The following PALLD variants were observed in gnomAD, a reference collection of about 807,000 sequenced individuals.
PALLD encodes the protein palladin, cytoskeletal associated protein.
PALLD carries 61 observed loss-of-function variants against 123.5 expected under a neutral mutation model. That is an observed-to-expected ratio of 0.49 (90% CI 0.40 to 0.61). The LOEUF is 0.61. PALLD is among the 20% of genes least tolerant of loss of function. PALLD has a pLI of 0.00. For synonymous variants in PALLD, 465 were observed against 496.4 expected (o/e 0.94, Z 0.84); for missense variants, 1,273 against 1,377.0 (o/e 0.92, Z 1.20).
At chr4:168,796,329 C>T (rs538597169) in intron 10 of PALLD, among the ~76,000 whole-genome samples, 9 of 152,138 alleles carry the variant, frequency 5.9e-5, no homozygotes, top group Non-Finnish European at 1.0e-4. Context: ...GGAGAGAAGT[C>T]GTTTTACATT....
chr4:168,693,693 T>C (rs1016299757), intron 8 of PALLD, among the ~76,000 whole-genome samples: 9 of 152,176 alleles, frequency 5.9e-5, no homozygotes, highest in Non-Finnish European at 7.4e-5. Context: ...AAAAATATTA[T>C]ATAGTCAGGA....
chr4:168,718,397 A>G (rs1785577981), intron 10 of PALLD, among the ~76,000 whole-genome samples: 2 of 152,250 alleles, frequency 1.3e-5, no homozygotes, highest in Non-Finnish European at 2.9e-5. Flanking sequence ...GAATGTACAT[A>G]AAAGTATTTT....
chr4:168,723,653 T>G (rs1371425694), intron 10 of PALLD, among the ~76,000 whole-genome samples: 2 of 152,216 alleles, frequency 1.3e-5, no homozygotes, highest in Non-Finnish European at 2.9e-5. Flanking sequence ...ATTCCTACTG[T>G]GTTGTGCTAG....
At chr4:168,877,763 C>A (rs956236149) in intron 10 of PALLD, 1 of 1,185,422 alleles carries the variant, frequency 8.4e-7, no homozygotes, top group Admixed American at 4.6e-5. Context: ...CCAAATCCGA[C>A]TGGAGCAGGA....
chr4:168,800,670 G>T (rs1303289285), intron 10 of PALLD, among the ~76,000 whole-genome samples: 2 of 152,150 alleles, frequency 1.3e-5, no homozygotes, highest in Non-Finnish European at 2.9e-5. Context: ...AGTATAAATT[G>T]TTAAAAACCA....
chr4:168,502,593 C>T (rs570980052), intron 1 of PALLD, among the ~76,000 whole-genome samples: 34 of 152,198 alleles, frequency 2.2e-4, no homozygotes, highest in South Asian at 1.0e-3. Flanking sequence ...GAAGAAAAAC[C>T]TAGTTTAAGA....
chr4:168,735,012 G>A (rs886845327), intron 10 of PALLD, among the ~76,000 whole-genome samples: 4 of 152,162 alleles, frequency 2.6e-5, no homozygotes, highest in African/African-American at 9.7e-5. Context: ...GTTCTGAAAT[G>A]TCTACTTTTC....
intron 10 of PALLD, 99 bp from the exon 11 acceptor site, chr4:168,890,823 C>A: frequency 8.4e-7 from 1 of 1,189,856 alleles, no homozygotes; most frequent in Non-Finnish European, 1.3e-6. Flanking sequence ...GTGGGAGTGA[C>A]ATGCTGATAC....
chr4:168,700,282 G>A (rs1183030091), intron 8 of PALLD: 1 of 154,310 alleles, frequency 6.5e-6, no homozygotes, highest in Non-Finnish European at 1.4e-5. Flanking sequence ...AAAAATTGCT[G>A]TGACATTTCA....
chr4:168,595,843 A>T (rs1771921419), intron 2 of PALLD, among the ~76,000 whole-genome samples: 1 of 152,010 alleles, frequency 6.6e-6, no homozygotes. Flanking sequence ...TACTTGAGTG[A>T]CAAAATTATT....
intron 10 of PALLD, among the ~76,000 whole-genome samples, chr4:168,854,039 G>C (rs928622579): frequency 1.1e-4 from 16 of 152,130 alleles, no homozygotes; most frequent in South Asian, 2.1e-4. Flanking sequence ...CTACTCTGTG[G>C]GTTCTATTAT....
intron 10 of PALLD, among the ~76,000 whole-genome samples, chr4:168,836,395 C>T (rs72973291): frequency 0.03 from 4,545 of 152,192 alleles, 226 homozygotes; most frequent in African/African-American, 0.1. Context: ...GAGCAATAAC[C>T]GTTTTCTGGT....
At chr4:168,536,255 A>C (rs953963390) in intron 2 of PALLD, among the ~76,000 whole-genome samples, 1 of 152,180 alleles carries the variant, frequency 6.6e-6, no homozygotes, top group Admixed American at 6.5e-5. Flanking sequence ...AGCAAAACAA[A>C]ACGAAAGGAA....
At chr4:168,638,170 C>T (rs1776537511) in intron 2 of PALLD, among the ~76,000 whole-genome samples, 1 of 152,120 alleles carries the variant, frequency 6.6e-6, no homozygotes, top group South Asian at 2.1e-4. Context: ...CACATAACCA[C>T]CTTTAATCCT....
chr4:168,823,936 G>A (rs112712207), intron 10 of PALLD, among the ~76,000 whole-genome samples: 3 of 152,342 alleles, frequency 2.0e-5, no homozygotes, highest in African/African-American at 7.2e-5. Flanking sequence ...GCTTTCTTAA[G>A]TGACATGCAG....
At chr4:168,533,945 A>T (rs1321598536) in intron 2 of PALLD, among the ~76,000 whole-genome samples, 1 of 152,192 alleles carries the variant, frequency 6.6e-6, no homozygotes, top group Non-Finnish European at 1.5e-5. Flanking sequence ...ATAACTGACA[A>T]TGTCATTTCT....
chr4:168,639,544 CT>C (rs35142519), intron 2 of PALLD, among the ~76,000 whole-genome samples: 1,915 of 141,032 alleles, frequency 0.014, 24 homozygotes, highest in African/African-American at 0.041. Context: ...GGCCATTCAA[CT>C]TTTTTTTTTT....
chr4:168,709,558 GGAAGGAAGGAAGGA>G (rs1784563359), intron 9 of PALLD, among the ~76,000 whole-genome samples: 33 of 716 alleles, frequency 0.046, 1 homozygote, highest in Non-Finnish European at 0.062. Context: ...AAGGAAGGAA[GGAAGGAAGGAAGGA>G]AGGAAGGAAG....
At chr4:168,625,648 C>T (rs1775195213) in intron 2 of PALLD, among the ~76,000 whole-genome samples, 1 of 151,702 alleles carries the variant, frequency 6.6e-6, no homozygotes, top group Non-Finnish European at 1.5e-5. Context: ...ACATGGCCAA[C>T]AAGCATATGG....
Sources: gnomAD v4.1 joint callset for allele counts (sites outside exome capture counted in the v4.1 genomes callset) on GRCh38, gnomAD v4.1.1 for gene constraint, MANE v1.5 for transcripts, NCBI Gene and HGNC (gene_info 2026-07-23, HGNC 2026-07-21) for gene names.